AHNAK2: variants seen among roughly 807,000 people sequenced by gnomAD.
AHNAK2 encodes the protein protein AHNAK2.
A neutral mutation model predicts 30.7 loss-of-function variants in AHNAK2; 18 were observed. The ratio of observed to expected loss-of-function variants is 0.59; its 90% CI spans 0.41 to 0.87. The LOEUF is 0.87. Among genes scored for constraint, AHNAK2 ranks in the 40% least tolerant of loss-of-function variants. The probability of loss-of-function intolerance (pLI) is 0.00; values close to 1 mark genes in which losing one functional copy is unlikely to be tolerated. For missense variants in AHNAK2, 8,604 were observed against 7,373.0 expected, an observed-to-expected ratio of 1.17 and a Z score of -6.11; for synonymous variants, 3,590 against 3,073.8, an observed-to-expected ratio of 1.17 and a Z score of -5.56.
rs372304899 is a variant in AHNAK2, at chr14:104,949,973, G to C, written c.5478C>G (p.Pro1826=). The part of the protein sequence containing the change: ...VTAKDSKFKM[P]KFKMPSFGVS... ...CCCCGAACGACGGCATCTTGAACTT[G>C]GGCATTTTGAACTTGCTGTCTTTGG... The change falls in exon 7 of 7, where the codon CCC becomes CCG. Residue 1826 remains proline (P), a synonymous_variant. Coordinates refer to ENST00000333244, the MANE Select transcript of AHNAK2 (RefSeq NM_138420.4). 8 of 1,588,808 alleles carry C rather than the reference G, an allele frequency of 5.0e-6. No individual in the cohort carries two copies. In the Admixed American group the frequency reaches 6.9e-5, roughly 14 times the overall value.
chr14:104,943,786 C>A lies in AHNAK2; in HGVS notation c.11665G>T (p.Val3889Leu), dbSNP rs373615265. Reference protein sequence around the residue: ...EAGLKGHLPKVQMPSFKMPKV... With the variant: ...EAGLKGHLPKLQMPSFKMPKV... Reference sequence around the variant, plus strand: ...GGCATCTTGAAACTGGGCATCTGCACCTTGGGCAGGTGTCCTTTGAGGCCG... The same window carrying A: ...GGCATCTTGAAACTGGGCATCTGCAACTTGGGCAGGTGTCCTTTGAGGCCG... The change falls in exon 7 of 7, where the codon GTG (valine) becomes TTG (leucine). Residue 3889 changes from valine (V) to leucine (L), a missense_variant. Transcript: ENST00000333244. 3.1e-6 allele frequency: 5 copies of A among 1,613,032 alleles called. No homozygotes were observed. Among genetic ancestry groups the A allele is most frequent in the Middle Eastern group, 1.6e-4 (1 of 6,074 alleles).
chr14:104,956,588 C>G lies in AHNAK2; in HGVS notation c.315G>C (p.Glu105Asp), dbSNP rs770688618. Reference sequence around the variant, plus strand: ...GACCCTCAGCTCCTGCTGTACCCACCTCTGGACGACTCATCCTGAAAAATG... The same window carrying G: ...GACCCTCAGCTCCTGCTGTACCCACGTCTGGACGACTCATCCTGAAAAATG... ...SRTFFRMSRP[E>D]AVQEATEVTL... The change falls in exon 4 of 7, where the codon GAG (glutamate) becomes GAC (aspartate). Residue 105 changes from glutamate (E) to aspartate (D), a missense_variant and splice_region_variant. Physicochemically the swap from Glu to Asp is conservative, Grantham distance 45. Coordinates refer to ENST00000333244, the MANE Select transcript of AHNAK2 (RefSeq NM_138420.4). The G allele has an allele frequency of 6.2e-7, 1 of 1,613,848 alleles. No individual in the cohort carries two copies. The highest frequency in any genetic ancestry group is 1.1e-5 in the South Asian group (1 of 91,080).
In AHNAK2 at chr14:104,949,829, C is replaced by T. The variant is rs368113443; in HGVS notation, c.5622G>A (p.Pro1874=). The part of the protein sequence containing the change: ...GDLKTTDLCI[P]LPSADLVVQA... ...GGACCACCAGGTCTGCAGAAGGGAG[C>T]GGAATGCAGAGGTCCGTGGTCTTGA... The change falls in exon 7 of 7, where the codon CCG becomes CCA. Residue 1874 remains proline (P), a synonymous_variant. Transcript: ENST00000333244. 7.0e-5 allele frequency: 111 copies of T among 1,587,074 alleles called. 15 individuals are homozygous for T. Among genetic ancestry groups the T allele is most frequent in the Middle Eastern group, 5.0e-4 (3 of 6,028 alleles).
At position 104,950,822 on chromosome 14, in the gene AHNAK2, T is replaced by A. The variant is rs3997375; in HGVS notation, c.4629A>T (p.Ile1543=). The change falls in exon 7 of 7, where the codon ATA becomes ATT. Residue 1543 remains isoleucine, a synonymous_variant. Transcript: ENST00000333244. ...CCTCCAGGTCAGCAGAAGGGGGCTG[T>A]ATGCTCAGGTCAGTGGCCTTGAGGT... ...QGDLKATDLS[I]QPPSADLEVQ... 2,640 of 1,579,254 alleles carry A rather than the reference T, an allele frequency of 1.7e-3. 271 individuals are homozygous for A. Among genetic ancestry groups the A allele is most frequent in the African/African-American group, 0.015 (1,077 of 71,552 alleles).
In AHNAK2 at chr14:104,966,220, C is replaced by T. The variant is rs1207478429; in HGVS notation, c.56-8548G>A. Among the ~76,000 whole-genome samples the T allele has an allele frequency of 6.6e-6, 1 of 152,100 alleles. No homozygotes were observed. The highest frequency in any genetic ancestry group is 1.5e-5 in the Non-Finnish European group (1 of 67,988). On this transcript the variant is annotated intron_variant, in intron 1 of 6. Transcript: ENST00000333244. This position sits in a 1 kb window ranked among gnomAD's most constrained non-coding sequence, Gnocchi z 4.3. ...GCATCAACACTCACCCCCACGTCATCCCGGCCCCGCCACCTTCCTACTGCT... is the reference window on the plus strand; with the variant it reads ...GCATCAACACTCACCCCCACGTCATTCCGGCCCCGCCACCTTCCTACTGCT...
In AHNAK2 at chr14:104,947,915, C is replaced by G; in HGVS notation, c.7536G>C (p.Lys2512Asn). The change falls in exon 7 of 7, where the codon AAG (lysine) becomes AAC (asparagine). Residue 2512 changes from lysine to asparagine, a missense_variant. Coordinates refer to ENST00000333244, the MANE Select transcript of AHNAK2 (RefSeq NM_138420.4). ...IEASVDVSAP[K>N]VEADGSLSSM... is the part of the protein sequence containing the mutation. ...AGGAGAGGCTCCCGTCGGCCTCCAC[C>G]TTCGGCGCAGACACATCCACCGAGG... 1 of 1,612,248 alleles carries G rather than the reference C, an allele frequency of 6.2e-7. No individual in the cohort carries two copies. The highest frequency in any genetic ancestry group is 8.5e-7 in the Non-Finnish European group (1 of 1,179,458).
intron 1 of AHNAK2, among the ~76,000 whole-genome samples, chr14:104,963,867 G>A (rs1277652613): frequency 6.8e-6 from 1 of 147,868 alleles, no homozygotes; most frequent in Non-Finnish European, 1.5e-5. Context: ...AGAGAGAAAA[G>A]AATTAAGAGC....
chr14:104,946,751 C>T lies in AHNAK2; in HGVS notation c.8700G>A (p.Gln2900=). 1.9e-6 allele frequency: 3 copies of T among 1,612,774 alleles called. No individual in the cohort carries two copies. The highest frequency in any genetic ancestry group is 2.5e-6 in the Non-Finnish European group (3 of 1,179,568). The part of the protein sequence containing the change: ...AGLKGHLPKV[Q]MPSFKMPKVD... ...CTTTGGGCATCTTGAAACTGGGCAT[C>T]TGCACCTTGGGCAGGTGCCCTTTGA... Residue 2900 remains glutamine (Q), a synonymous_variant, in exon 7 of 7, where the codon CAG becomes CAA. Coordinates refer to ENST00000333244, the MANE Select transcript of AHNAK2 (RefSeq NM_138420.4).
In AHNAK2 at chr14:104,951,340, G is replaced by A. The variant is rs1898695124; in HGVS notation, c.4111C>T (p.Leu1371Phe). The change falls in exon 7 of 7, where the codon CTC (leucine) becomes TTC (phenylalanine). Residue 1371 changes from leucine to phenylalanine, a missense_variant. Leu to Phe is a conservative substitution (Grantham distance 22). Coordinates refer to ENST00000333244, the MANE Select transcript of AHNAK2 (RefSeq NM_138420.4). ...DMSLPSMQGD[L>F]KTTDLSIQPP... ...TGAATGCTGAGGTCAGTGGTCTTGAGGTCCCCCTGCATGGAGGGGAGGCTC... is the reference window on the plus strand; with the variant it reads ...TGAATGCTGAGGTCAGTGGTCTTGAAGTCCCCCTGCATGGAGGGGAGGCTC... 3 of 1,075,652 alleles carry A rather than the reference G, an allele frequency of 2.8e-6. 1 individual carries two copies. Among genetic ancestry groups the A allele is most frequent in the South Asian group, 3.2e-5 (2 of 63,316 alleles). 66.6% of individuals were successfully genotyped at this position (1,075,652 alleles called of 1,614,324 possible). A position where few individuals can be genotyped will look rare whatever the true frequency, so the allele number is the denominator to read the frequency against.
At position 104,943,601 on chromosome 14, in the gene AHNAK2, C is replaced by T. The variant is rs776705672; in HGVS notation, c.11850G>A (p.Leu3950=). The change falls in exon 7 of 7, where the codon CTG becomes CTA. Residue 3950 remains leucine, a synonymous_variant. Transcript: ENST00000333244. ...TGTCGGCCAGGGACAGGTCCCCCTC[C>T]AGCCGCGCACCATCCAGCTTGGCTC... The part of the protein sequence containing the change: ...APGAKLDGAR[L]EGDLSLADKD... 6.2e-7 allele frequency: 1 copy of T among 1,613,392 alleles called. No homozygotes were observed. Among genetic ancestry groups the T allele is most frequent in the Non-Finnish European group, 8.5e-7 (1 of 1,179,708 alleles).
In AHNAK2 at chr14:104,944,984, G is replaced by C. The variant is rs373073252; in HGVS notation, c.10467C>G (p.Gly3489=). 11 of 1,612,480 alleles carry C rather than the reference G, an allele frequency of 6.8e-6. No homozygotes were observed. The highest frequency in any genetic ancestry group is 5.4e-5 in the African/African-American group (4 of 74,532). The change falls in exon 7 of 7, where the codon GGC becomes GGG. Residue 3489 remains glycine (G), a synonymous_variant. Transcript: ENST00000333244. ...KMPSFGVSAP[G]RSIEASLDVS... ...CATCCAGCGAGGCCTCGATGGACCT[G>C]CCTGGGGCCGACACCCCGAAGGAGG...
At chr14:104,965,846 C>A (rs967306439) in intron 1 of AHNAK2, among the ~76,000 whole-genome samples, 2 of 152,230 alleles carry the variant, frequency 1.3e-5, no homozygotes, top group African/African-American at 4.8e-5. Context: ...TGGCCCTGAG[C>A]AAGCTCATCC....
In AHNAK2 at chr14:104,939,094, G is replaced by A. The variant is rs1364460922; in HGVS notation, c.16357C>T (p.Leu5453=). 1 of 1,604,700 alleles carries A rather than the reference G, an allele frequency of 6.2e-7. No individual in the cohort carries two copies. The highest frequency in any genetic ancestry group is 1.3e-5 in the African/African-American group (1 of 74,706). The change falls in exon 7 of 7, where the codon CTG becomes TTG. Residue 5453 remains leucine (L), a synonymous_variant. Coordinates refer to ENST00000333244, the MANE Select transcript of AHNAK2 (RefSeq NM_138420.4). ...GAAATTGGGGGAGCTTCCAAAGGCA[G>A]GTTAAGGTCCACAGGCTGCTCCCCA... ...VPGEQPVDLN[L]PLEAPPISKV...
At chr14:104,967,950 C>T (rs963010545) in intron 1 of AHNAK2, among the ~76,000 whole-genome samples, 1 of 152,232 alleles carries the variant, frequency 6.6e-6, no homozygotes, top group Non-Finnish European at 1.5e-5. Context: ...CGCCTTTGCC[C>T]GCCCGGCCTC....
rs201181175 is a variant in AHNAK2, at chr14:104,945,826, C to T, written c.9625G>A (p.Val3209Met). 1.4e-5 allele frequency: 19 copies of T among 1,366,182 alleles called. 3 individuals carry two copies. Among genetic ancestry groups the T allele is most frequent in the East Asian group, 6.9e-5 (3 of 43,488 alleles). The allele number at this position is 1,366,182 out of a possible 1,614,324, so 84.6% of individuals were successfully genotyped here. A position where few individuals can be genotyped will look rare whatever the true frequency, so the allele number is the denominator to read the frequency against. Residue 3209 changes from valine to methionine, a missense_variant, in exon 7 of 7, where the codon GTG (valine) becomes ATG (methionine). Coordinates refer to ENST00000333244, the MANE Select transcript of AHNAK2 (RefSeq NM_138420.4). ...QLEVQAGQVD[V>M]KLPEGHVLEG... ...AGAACGTGGCCCTCTGGGAGCTTCA[C>T]GTCCACCTGGCCAGCCTGGACCTCC...
rs1228679297 is a variant in AHNAK2 at position 104,946,785 on chromosome 14, C to G, written c.8666G>C (p.Gly2889Ala). The G allele has an allele frequency of 6.2e-7, 1 of 1,612,728 alleles. No homozygotes were observed. The highest frequency in any genetic ancestry group is 2.2e-5 in the East Asian group (1 of 44,776). Residue 2889 changes from glycine to alanine, a missense_variant, in exon 7 of 7, where the codon GGA (glycine) becomes GCA (alanine). Gly to Ala is a moderately conservative substitution (Grantham distance 60). Coordinates refer to ENST00000333244, the MANE Select transcript of AHNAK2 (RefSeq NM_138420.4). The part of the protein sequence containing the change: ...VKLPEGHVPE[G>A]AGLKGHLPKV... ...GGGCAGGTGCCCTTTGAGGCCGGCT[C>G]CCTCGGGAACGTGGCCCTCTGGGAG...
chr14:104,964,871 T>C (rs1401876781), intron 1 of AHNAK2, among the ~76,000 whole-genome samples: 5 of 152,204 alleles, frequency 3.3e-5, no homozygotes, highest in Non-Finnish European at 7.3e-5. Context: ...CTATATAAAA[T>C]CAAACACAAT....
intron 1 of AHNAK2, among the ~76,000 whole-genome samples, chr14:104,958,449 A>C (rs532477688): frequency 6.6e-6 from 1 of 152,194 alleles, no homozygotes; most frequent in African/African-American, 2.4e-5. Flanking sequence ...ACTCCGTCTC[A>C]AAAAGAAAAA....
In AHNAK2 at chr14:104,942,581, G is replaced by A. The variant is rs369978766; in HGVS notation, c.12870C>T (p.Asp4290=). The change falls in exon 7 of 7, where the codon GAC becomes GAT. Residue 4290 remains aspartate (D), a synonymous_variant. Transcript: ENST00000333244. ...TGAACTTGCTGTCTTTGGCAGTCATGTCCTTGTCGGCTAGGGACAGGTCAC... is the reference window on the plus strand; with the variant it reads ...TGAACTTGCTGTCTTTGGCAGTCATATCCTTGTCGGCTAGGGACAGGTCAC... ...LEGDLSLADK[D]MTAKDSKFKM... is the part of the protein sequence containing the mutation. The A allele has an allele frequency of 5.3e-5, 86 of 1,612,508 alleles. 5 individuals carry two copies. The highest frequency in any genetic ancestry group is 3.6e-4 in the South Asian group (33 of 90,872).
Sources: gnomAD v4.1 joint callset for allele counts (sites outside exome capture counted in the v4.1 genomes callset) on GRCh38, gnomAD v4.1.1 for gene constraint, Gnocchi (gnomAD v3.1) non-coding constraint, MANE v1.5 for transcripts, NCBI Gene and HGNC (gene_info 2026-07-23, HGNC 2026-07-21) for gene names.